The following ZNF217 variants were observed in gnomAD, a reference collection of about 807,000 sequenced individuals.
ZNF217 encodes the protein zinc finger protein 217.
A neutral mutation model predicts 73.3 loss-of-function variants in ZNF217; 12 were observed. The observed-to-expected ratio is 0.16, with a 90% confidence interval of 0.10 to 0.27. The LOEUF (loss-of-function observed/expected upper bound fraction) is 0.27, where lower values mean the gene tolerates loss of function less well. ZNF217 is among the 10% of genes least tolerant of loss of function. ZNF217 has a pLI of 1.00. For synonymous variants in ZNF217, 588 were observed against 516.4 expected (o/e 1.14, Z -1.88); for missense variants, 1,195 against 1,327.8 (o/e 0.90, Z 1.55).
intron 4 of ZNF217, 74 bp downstream of exon 4, chr20:53,575,653 T>G: frequency 7.1e-7 from 1 of 1,403,176 alleles, no homozygotes; most frequent in Non-Finnish European, 9.5e-7. Flanking sequence ...TGGTACCATC[T>G]CCACTGAGAA....
rs1253190257 is a variant in ZNF217, at chr20:53,576,365, C to G, written c.2399G>C (p.Gly800Ala). The change falls in exon 4 of 6, where the codon GGC (glycine) becomes GCC (alanine). Residue 800 changes from glycine to alanine, a missense_variant. Gly to Ala is a moderately conservative substitution (Grantham distance 60). Around this residue, in one of 9 missense-constraint regions of ZNF217, gnomAD observed 649 missense variants for 642.8 expected, o/e 1.01. Transcript: ENST00000371471. ...AKGKQSPPGP[G>A]KAPLTSGIDS... ...TATCCCTGAAGTCAGAGGGGCCTTGCCTGGCCCAGGAGGGCTCTGCTTCCC... is the reference window on the plus strand; with the variant it reads ...TATCCCTGAAGTCAGAGGGGCCTTGGCTGGCCCAGGAGGGCTCTGCTTCCC... 6.2e-7 allele frequency: 1 copy of G among 1,614,146 alleles called. No individual in the cohort carries two copies. The highest frequency in any genetic ancestry group is 8.5e-7 in the Non-Finnish European group (1 of 1,180,032).
At chr20:53,590,373 C>T (rs1988836791) in intron 1 of ZNF217, among the ~76,000 whole-genome samples, 1 of 152,166 alleles carries the variant, frequency 6.6e-6, no homozygotes, top group Non-Finnish European at 1.5e-5. Flanking sequence ...AAATCTATAA[C>T]ATACAGGCCA....
At position 53,582,796 on chromosome 20, in the gene ZNF217, T is replaced by C; in HGVS notation, c.31A>G (p.Thr11Ala). ...TCCATGTACATTAAGAGGGATTGAGTTGGCATGTTTCCTGTCACTTTCGAT... is the reference window on the plus strand; with the variant it reads ...TCCATGTACATTAAGAGGGATTGAGCTGGCATGTTTCCTGTCACTTTCGAT... MQSKVTGNMP[T>A]QSLLMYMDGP... The change falls in exon 2 of 6, where the codon ACT (threonine) becomes GCT (alanine). Residue 11 changes from threonine to alanine, a missense_variant. Physicochemically the swap from Thr to Ala is moderately conservative, Grantham distance 58. Around this residue, in one of 9 missense-constraint regions of ZNF217, gnomAD observed 147 missense variants for 184.3 expected, o/e 0.80. Transcript: ENST00000371471. This position sits in a 1 kb window ranked among gnomAD's most constrained non-coding sequence, Gnocchi z 4.8. 1 of 1,604,850 alleles carries C rather than the reference T, an allele frequency of 6.2e-7. No individual in the cohort carries two copies. Among genetic ancestry groups the C allele is most frequent in the Non-Finnish European group, 8.5e-7 (1 of 1,174,768 alleles).
At position 53,581,976 on chromosome 20, in the gene ZNF217, A is replaced by G. The variant is rs1427352375; in HGVS notation, c.851T>C (p.Val284Ala). 8.1e-6 allele frequency: 13 copies of G among 1,614,182 alleles called. No individual in the cohort carries two copies. Among genetic ancestry groups the G allele is most frequent in the Non-Finnish European group, 5.9e-6 (7 of 1,180,040 alleles). ...CGGATCGAGCTGAGGGATGCATCTGACAGGCTTCTTCCCCGTTTCAGGGTG... is the reference window on the plus strand; with the variant it reads ...CGGATCGAGCTGAGGGATGCATCTGGCAGGCTTCTTCCCCGTTTCAGGGTG... ...KSHPETGKKP[V>A]RCIPQLDPFT... is the part of the protein sequence containing the mutation. Residue 284 changes from valine (V) to alanine (A), a missense_variant, in exon 2 of 6, where the codon GTC becomes GCC. This residue lies in a region of ZNF217 where 126 missense variants were observed against 114.4 expected (regional missense o/e 1.10). Coordinates refer to ENST00000371471, the MANE Select transcript of ZNF217 (RefSeq NM_006526.3). This position sits in a 1 kb window ranked among gnomAD's most constrained non-coding sequence, Gnocchi z 4.9.
intron 4 of ZNF217, 176 bp downstream of exon 4, chr20:53,575,551 C>G: frequency 1.7e-6 from 1 of 592,804 alleles, no homozygotes; most frequent in South Asian, 2.3e-5. Flanking sequence ...GTTAAGTAAG[C>G]CTTGGAGGAC....
chr20:53,578,375 C>A lies in ZNF217; in HGVS notation c.1442G>T (p.Arg481Leu). The A allele has an allele frequency of 6.3e-7, 1 of 1,596,502 alleles. No individual in the cohort carries two copies. Among genetic ancestry groups the A allele is most frequent in the Non-Finnish European group, 8.5e-7 (1 of 1,174,602 alleles). Residue 481 changes from arginine to leucine, a missense_variant, in exon 3 of 6, where the codon CGT (arginine) becomes CTT (leucine). Arg to Leu is a moderately radical substitution (Grantham distance 102, BLOSUM62 -2). Coordinates refer to ENST00000371471, the MANE Select transcript of ZNF217 (RefSeq NM_006526.3). ...ATGAATATTGAGGTAATAATTTGAA[C>A]GGAAAAACTTTCCACAATAACTACA... ...RECSYCGKFF[R>L]SNYYLNIHLR...
upstream of ZNF217, among the ~76,000 whole-genome samples, chr20:53,595,346 C>G (rs2145992788): frequency 6.6e-6 from 1 of 152,194 alleles, no homozygotes; most frequent in East Asian, 1.9e-4. Flanking sequence ...TCAGCATATC[C>G]AAAATGAAAA....
chr20:53,574,952 C>T (rs74947220), intron 4 of ZNF217: 1 of 152,484 alleles, frequency 6.6e-6, no homozygotes, highest in East Asian at 1.9e-4. Flanking sequence ...TCTGGAATTT[C>T]AACAGCAAGA....
intron 1 of ZNF217, among the ~76,000 whole-genome samples, chr20:53,592,396 AG>A (rs1988908665): frequency 6.6e-6 from 1 of 151,990 alleles, no homozygotes; most frequent in African/African-American, 2.4e-5. Context: ...GTGGGGGGAA[AG>A]AAAAAGAAAA....
intron 5 of ZNF217, among the ~76,000 whole-genome samples, chr20:53,569,965 G>T (rs2148560): frequency 3.3e-5 from 5 of 152,190 alleles, no homozygotes; most frequent in Admixed American, 3.3e-4. Flanking sequence ...CAATATGTGA[G>T]CTGGTCCAGA....
At position 53,578,342 on chromosome 20, in the gene ZNF217, G is replaced by A. The variant is rs753187778; in HGVS notation, c.1475C>T (p.Thr492Met). The change falls in exon 3 of 6, where the codon ACG (threonine) becomes ATG (methionine). Residue 492 changes from threonine to methionine, a missense_variant. Around this residue, in one of 9 missense-constraint regions of ZNF217, gnomAD observed 12 missense variants for 53.8 expected, o/e 0.22. Transcript: ENST00000371471. ...AAATAAAAGTTCTTTACCTGTATGC[G>A]TTCTGAGATGAATATTGAGGTAATA... The part of the protein sequence containing the change: ...SNYYLNIHLR[T>M]HTGEKPYKCE... 11 of 1,581,416 alleles carry A rather than the reference G, an allele frequency of 7.0e-6. No homozygotes were observed. Among genetic ancestry groups the A allele is most frequent in the African/African-American group, 2.7e-5 (2 of 73,044 alleles).
chr20:53,593,373 C>A (rs1988950777), intron 1 of ZNF217, among the ~76,000 whole-genome samples: 1 of 152,098 alleles, frequency 6.6e-6, no homozygotes, highest in Admixed American at 6.5e-5. Flanking sequence ...CAAGGGCCAA[C>A]TGGGCAAATT....
chr20:53,580,294 CA>C (rs2044988394), intron 2 of ZNF217, among the ~76,000 whole-genome samples: 1 of 152,144 alleles, frequency 6.6e-6, no homozygotes, highest in Non-Finnish European at 1.5e-5. Context: ...GGGTCTCATA[CA>C]CCCAGTTTTC....
chr20:53,589,595 T>C (rs543041870), intron 1 of ZNF217, among the ~76,000 whole-genome samples: 6 of 152,346 alleles, frequency 3.9e-5, no homozygotes, highest in South Asian at 2.1e-4. Context: ...TAGGAAAGAA[T>C]GGTCCCTGTT....
At chr20:53,579,301 T>C (rs545865132) in intron 2 of ZNF217, among the ~76,000 whole-genome samples, 44 of 152,282 alleles carry the variant, frequency 2.9e-4, no homozygotes, top group African/African-American at 1.0e-3. Context: ...TTTAAATAAA[T>C]GTCCCCTCAC....
Position 53,577,413 on chromosome 20 carries a change from A to C in ZNF217, c.1484-133T>G, listed in dbSNP as rs542754281. On this transcript the variant is annotated intron_variant, in intron 3 of 5. Coordinates refer to ENST00000371471, the MANE Select transcript of ZNF217 (RefSeq NM_006526.3). ...GATCTACTATCACATAGGATTTCTC[A>C]TCAGTTCTTTATCATCCTTACTGTA... The C allele has an allele frequency of 2.4e-4, 192 of 798,884 alleles. 1 individual carries two copies. In the East Asian group the frequency reaches 5.1e-3, roughly 21 times the overall value. The allele number at this position is 798,884 out of a possible 1,614,324, so 49.5% of individuals were successfully genotyped here. A position where few individuals can be genotyped will look rare whatever the true frequency, so the allele number is the denominator to read the frequency against.
intron 5 of ZNF217, among the ~76,000 whole-genome samples, chr20:53,569,727 A>C (rs999142162): frequency 1.3e-5 from 2 of 152,182 alleles, no homozygotes; most frequent in Admixed American, 6.5e-5. Flanking sequence ...AAGTATTAGG[A>C]GAATGACTAA....
intron 1 of ZNF217, among the ~76,000 whole-genome samples, chr20:53,593,477 C>T (rs1360232014): frequency 7.2e-6 from 1 of 139,390 alleles, no homozygotes; most frequent in Non-Finnish European, 1.5e-5. Context: ...ATTCAGGGAA[C>T]CCCGCACCCC....
chr20:53,588,264 T>G (rs1485927861), intron 1 of ZNF217, among the ~76,000 whole-genome samples: 4 of 152,128 alleles, frequency 2.6e-5, no homozygotes, highest in African/African-American at 9.7e-5. Flanking sequence ...GAACTTAAAG[T>G]ATAACATACT....
Sources: gnomAD v4.1 joint callset for allele counts (sites outside exome capture counted in the v4.1 genomes callset) on GRCh38, gnomAD v4.1.1 for gene constraint, gnomAD v4.1.1 regional missense constraint, Gnocchi (gnomAD v3.1) non-coding constraint, MANE v1.5 for transcripts, NCBI Gene and HGNC (gene_info 2026-07-23, HGNC 2026-07-21) for gene names.